MCTP1: variants seen among roughly 807,000 people sequenced by gnomAD.
MCTP1 encodes multiple C2 and transmembrane domain containing 1, also known as multiple C2 and transmembrane domain-containing protein 1.
A neutral mutation model predicts 120.6 loss-of-function variants in MCTP1; 69 were observed. That is an observed-to-expected ratio of 0.57 (90% CI 0.47 to 0.70). The LOEUF (loss-of-function observed/expected upper bound fraction) is 0.70, where lower values mean the gene tolerates loss of function less well. MCTP1 is among the 30% of genes least tolerant of loss of function. The pLI is 0.00. For synonymous variants in MCTP1, 529 were observed against 493.1 expected (o/e 1.07, Z -0.96); for missense variants, 1,203 against 1,248.8 (o/e 0.96, Z 0.55).
At chr5:94,738,173 C>T (rs1764701912) in intron 19 of MCTP1, among the ~76,000 whole-genome samples, 1 of 152,170 alleles carries the variant, frequency 6.6e-6, no homozygotes, top group South Asian at 2.1e-4. Flanking sequence ...CCCTCATCTT[C>T]TAGTTAATTT....
At chr5:94,967,333 A>AT (rs1183362651) in intron 2 of MCTP1, among the ~76,000 whole-genome samples, 2 of 152,186 alleles carry the variant, frequency 1.3e-5, no homozygotes, top group African/African-American at 4.8e-5. Context: ...AACACTTATT[A>AT]TATCAGCTAT....
chr5:95,222,189 A>C (rs1467483605), intron 1 of MCTP1, among the ~76,000 whole-genome samples: 1 of 152,136 alleles, frequency 6.6e-6, no homozygotes, highest in Non-Finnish European at 1.5e-5. Flanking sequence ...CGCAGCTTCC[A>C]CCTAGCAGTC....
At chr5:94,753,228 G>C (rs1768914267) in intron 19 of MCTP1, among the ~76,000 whole-genome samples, 2 of 151,930 alleles carry the variant, frequency 1.3e-5, no homozygotes. Context: ...CAGAGATGGA[G>C]AGAGAAGAAA....
At chr5:95,044,679 A>G (rs192095076) in intron 1 of MCTP1, among the ~76,000 whole-genome samples, 241 of 151,988 alleles carry the variant, frequency 1.6e-3, no homozygotes, top group African/African-American at 5.5e-3. Flanking sequence ...AGCATTCCCC[A>G]GCCATTCAGT....
intron 7 of MCTP1, among the ~76,000 whole-genome samples, chr5:94,921,958 T>C (rs1811761111): frequency 6.6e-6 from 1 of 152,220 alleles, no homozygotes; most frequent in South Asian, 2.1e-4. Flanking sequence ...AAAACATTTA[T>C]TTGTATGGCA....
intron 17 of MCTP1, chr5:94,826,755 T>G (rs1343552220): frequency 5.2e-5 from 14 of 268,936 alleles, no homozygotes; most frequent in Non-Finnish European, 8.8e-5. Flanking sequence ...TATCAGAGAG[T>G]AGGGTTGTGA....
intron 1 of MCTP1, among the ~76,000 whole-genome samples, chr5:95,219,068 T>G (rs1427807071): frequency 6.6e-6 from 1 of 152,140 alleles, no homozygotes; most frequent in Non-Finnish European, 1.5e-5. Flanking sequence ...TTTTTCTAAT[T>G]TGGGCTAGTA....
At chr5:94,728,844 G>T (rs1177221500) in intron 19 of MCTP1, among the ~76,000 whole-genome samples, 1 of 151,924 alleles carries the variant, frequency 6.6e-6, no homozygotes, top group Non-Finnish European at 1.5e-5. Context: ...CTCTTCATTT[G>T]AGTAGTATTT....
chr5:94,747,085 A>G (rs1580446182), intron 19 of MCTP1, among the ~76,000 whole-genome samples: 1 of 152,114 alleles, frequency 6.6e-6, no homozygotes, highest in South Asian at 2.1e-4. Flanking sequence ...GTTTGCCTTT[A>G]TCCATATCTT....
intron 3 of MCTP1, among the ~76,000 whole-genome samples, chr5:94,946,563 C>T (rs1249313991): frequency 2.6e-5 from 4 of 152,226 alleles, no homozygotes; most frequent in Admixed American, 6.5e-5. Flanking sequence ...TATGATGGCT[C>T]CAGGTGCCAT....
At chr5:94,786,467 T>G (rs1777730272) in intron 18 of MCTP1, among the ~76,000 whole-genome samples, 1 of 152,160 alleles carries the variant, frequency 6.6e-6, no homozygotes, top group African/African-American at 2.4e-5. Flanking sequence ...TCCTAGTGGG[T>G]TTAGACCTAC....
At chr5:94,755,901 T>C (rs1349593863) in intron 19 of MCTP1, among the ~76,000 whole-genome samples, 3 of 152,158 alleles carry the variant, frequency 2.0e-5, no homozygotes, top group Non-Finnish European at 4.4e-5. Context: ...CTAGAATACC[T>C]TATTCGATGT....
At chr5:95,215,722 A>C (rs1752969560) in intron 1 of MCTP1, among the ~76,000 whole-genome samples, 1 of 152,150 alleles carries the variant, frequency 6.6e-6, no homozygotes, top group Non-Finnish European at 1.5e-5. Flanking sequence ...AACCATAAGA[A>C]GGCCACAAAG....
chr5:94,949,842 T>C (rs1820042969), intron 3 of MCTP1, among the ~76,000 whole-genome samples: 1 of 152,104 alleles, frequency 6.6e-6, no homozygotes, highest in African/African-American at 2.4e-5. Context: ...AATAATCTGT[T>C]GTGGAGGATG....
At chr5:95,141,995 T>C (rs911907830) in intron 1 of MCTP1, among the ~76,000 whole-genome samples, 1 of 152,164 alleles carries the variant, frequency 6.6e-6, no homozygotes, top group Non-Finnish European at 1.5e-5. Flanking sequence ...CTTAAAAATG[T>C]TTTTCAAGAA....
chr5:95,115,203 T>C (rs1757728689), intron 1 of MCTP1, among the ~76,000 whole-genome samples: 1 of 152,072 alleles, frequency 6.6e-6, no homozygotes, highest in Non-Finnish European at 1.5e-5. Flanking sequence ...AATACTTAAC[T>C]GTTCAATGCC....
chr5:94,908,853 T>G (rs1807664033), intron 10 of MCTP1, among the ~76,000 whole-genome samples: 3 of 152,054 alleles, frequency 2.0e-5, no homozygotes, highest in South Asian at 4.1e-4. Context: ...TTCTCTACCT[T>G]GTAGGGCGTT....
chr5:95,024,171 C>A, intron 1 of MCTP1: 1 of 393,942 alleles, frequency 2.5e-6, no homozygotes, highest in Non-Finnish European at 5.0e-6. Flanking sequence ...GAAATCACTT[C>A]CAAGACCAAT....
At chr5:95,093,452 G>A (rs1410758702) in intron 1 of MCTP1, among the ~76,000 whole-genome samples, 1 of 152,096 alleles carries the variant, frequency 6.6e-6, no homozygotes, top group East Asian at 1.9e-4. Context: ...TGTCGGGGGA[G>A]GGGGCAGATA....
Sources: allele counts gnomAD v4.1 joint callset (sites outside exome capture counted in the v4.1 genomes callset), GRCh38; gene constraint gnomAD v4.1.1; transcripts MANE v1.5; gene names NCBI Gene and HGNC (gene_info 2026-07-23, HGNC 2026-07-21).